TERB1: variants seen among roughly 807,000 people sequenced by gnomAD.
The protein encoded by TERB1 is telomere repeats-binding bouquet formation protein 1.
A neutral mutation model predicts 92.3 loss-of-function variants in TERB1; 63 were observed. The observed-to-expected ratio is 0.68, with a 90% CI of 0.56 to 0.84. The LOEUF (loss-of-function observed/expected upper bound fraction) is 0.84. Ranked by LOEUF, TERB1 falls within the 40% of genes least tolerant of loss-of-function variation. The pLI, the probability that TERB1 is intolerant of heterozygous loss-of-function variation, is 0.00. For missense variants in TERB1, 709 were observed against 843.7 expected (o/e 0.84, Z 1.98); for synonymous variants, 252 against 283.9 (o/e 0.89, Z 1.13).
upstream of TERB1, among the ~76,000 whole-genome samples, chr16:66,801,773 C>T (rs778016159): frequency 6.6e-6 from 1 of 152,228 alleles, no homozygotes; most frequent in South Asian, 2.1e-4. Flanking sequence ...AATCTCACCG[C>T]CCCCGGTTTT....
intron 10 of TERB1, 132 bp downstream of exon 10, chr16:66,778,731 T>C: frequency 1.3e-6 from 1 of 772,434 alleles, no homozygotes; most frequent in Non-Finnish European, 1.9e-6. Flanking sequence ...TTGGATACTT[T>C]CTAATACTTC....
chr16:66,761,416 C>T (rs1342039884), intron 16 of TERB1, among the ~76,000 whole-genome samples: 20 of 135,858 alleles, frequency 1.5e-4, no homozygotes, highest in Non-Finnish European at 2.9e-4. Context: ...TGTACCATTG[C>T]ACTCAAGCCT....
chr16:66,787,069 G>A (rs2018741134), intron 6 of TERB1, among the ~76,000 whole-genome samples: 1 of 151,944 alleles, frequency 6.6e-6, no homozygotes, highest in Non-Finnish European at 1.5e-5. Flanking sequence ...AAGTGCTGGG[G>A]TTACAGATGT....
At chr16:66,777,500 A>C (rs925317616) in intron 10 of TERB1, among the ~76,000 whole-genome samples, 166 bp from the exon 11 acceptor site, 1 of 152,200 alleles carries the variant, frequency 6.6e-6, no homozygotes, top group Non-Finnish European at 1.5e-5. Flanking sequence ...TGTGAATATA[A>C]ATAAAATATA....
At chr16:66,771,244 T>C (rs2018445557) in intron 13 of TERB1, among the ~76,000 whole-genome samples, 1 of 152,074 alleles carries the variant, frequency 6.6e-6, no homozygotes, top group Non-Finnish European at 1.5e-5. Flanking sequence ...TAAATAAATA[T>C]TAAAGCTACA....
upstream of TERB1, among the ~76,000 whole-genome samples, chr16:66,802,019 G>A (rs1959343704): frequency 6.6e-6 from 1 of 152,224 alleles, no homozygotes; most frequent in Non-Finnish European, 1.5e-5. Flanking sequence ...CCGGAGTTCA[G>A]TCCAGGAGGA....
chr16:66,794,063 C>T (rs16956969), intron 3 of TERB1, among the ~76,000 whole-genome samples: 1 of 151,896 alleles, frequency 6.6e-6, no homozygotes, highest in Non-Finnish European at 1.5e-5. Context: ...CAGTTCTAGG[C>T]ACAATGCAGG....
intron 16 of TERB1, among the ~76,000 whole-genome samples, chr16:66,761,139 AAAAG>A (rs1382695453): frequency 6.7e-6 from 1 of 149,730 alleles, no homozygotes; most frequent in Non-Finnish European, 1.5e-5. Context: ...AAAGAAAAGA[AAAAG>A]AAAAAAGAAA....
chr16:66,756,023 G>A (rs1230319509), intron 18 of TERB1, among the ~76,000 whole-genome samples: 1 of 152,162 alleles, frequency 6.6e-6, no homozygotes, highest in Non-Finnish European at 1.5e-5. Context: ...GTTTTTAAGG[G>A]ATACTTTCTA....
At chr16:66,776,089 G>A (rs982661325) in intron 11 of TERB1, among the ~76,000 whole-genome samples, 2 of 151,908 alleles carry the variant, frequency 1.3e-5, no homozygotes, top group African/African-American at 4.8e-5. Context: ...CAGCACTTTG[G>A]GAGGCCGAGG....
chr16:66,755,213 G>T (rs1462240902), intron 18 of TERB1, 50 bp from the exon 19 acceptor site: 4 of 1,174,902 alleles, frequency 3.4e-6, no homozygotes, highest in Non-Finnish European at 4.9e-6. Flanking sequence ...CAAAGGTCCT[G>T]AGATGCAAAT....
Position 66,776,125 on chromosome 16 carries a change from T to A in TERB1, c.986-882A>T, listed in dbSNP as rs546150314. 7.3e-5 allele frequency among the ~76,000 whole-genome samples: 11 copies of A among 151,240 alleles called. No homozygotes were observed. In the East Asian group the frequency reaches 1.8e-3, roughly 24 times the overall value. On this transcript the variant is annotated intron_variant, in intron 11 of 18. Transcript: ENST00000433154. ...CAGGCGGATCACCTGAGGTTGGGAG[T>A]TCGAGACCAGCCTGACCAACAAGGA...
chr16:66,801,795 C>A (rs1959329719), upstream of TERB1, among the ~76,000 whole-genome samples: 1 of 152,190 alleles, frequency 6.6e-6, no homozygotes. Context: ...AGGGTTTTTA[C>A]CTCAGACGAG....
intron 9 of TERB1, among the ~76,000 whole-genome samples, chr16:66,780,982 C>T (rs1236775613): frequency 7.6e-6 from 1 of 131,774 alleles, no homozygotes; most frequent in African/African-American, 3.0e-5. Context: ...TTTTAACATG[C>T]TAGTGGTGTG....
intron 12 of TERB1, among the ~76,000 whole-genome samples, chr16:66,774,064 G>T (rs1327481531): frequency 1.3e-5 from 2 of 150,450 alleles, no homozygotes; most frequent in African/African-American, 4.9e-5. Context: ...TGTATTTTTA[G>T]TACAGACAGG....
intron 17 of TERB1, 27 bp from the exon 18 acceptor site, chr16:66,758,865 C>A: frequency 7.1e-7 from 1 of 1,414,740 alleles, no homozygotes; most frequent in South Asian, 1.3e-5. Flanking sequence ...ACATTTAGCA[C>A]ATTTAGCGTA....
At position 66,767,472 on chromosome 16, in the gene TERB1, C is replaced by G. The variant is rs748925835; in HGVS notation, c.1723G>C (p.Val575Leu). 9 of 1,526,968 alleles carry G rather than the reference C, an allele frequency of 5.9e-6. No individual in the cohort carries two copies. The African/African-American group carries it at 7.0e-5, about 12-fold the overall frequency. 94.6% of individuals were successfully genotyped at this position (1,526,968 alleles called of 1,614,324 possible). ...CTGGGAGTTGCTAGAAAACTGACTA[C>G]TTCTTTATTTATTATATCTGAACAT... ...TLCSDIINKE[V>L]VSFLATPSCS... is the part of the protein sequence containing the mutation. Residue 575 changes from valine to leucine, a missense_variant, in exon 16 of 19, where the codon GTA becomes CTA. Coordinates refer to ENST00000433154, the MANE Select transcript of TERB1 (RefSeq NM_001136505.2).
intron 13 of TERB1, among the ~76,000 whole-genome samples, chr16:66,771,357 T>G (rs2018447876): frequency 6.6e-6 from 1 of 152,218 alleles, no homozygotes; most frequent in Non-Finnish European, 1.5e-5. Context: ...TGATACATCT[T>G]CTGTGGTGAA....
intron 12 of TERB1, among the ~76,000 whole-genome samples, chr16:66,774,193 T>G (rs1440219860): frequency 7.7e-6 from 1 of 129,136 alleles, no homozygotes; most frequent in Non-Finnish European, 1.6e-5. Context: ...AACGTTTTTT[T>G]TTTTTTTTTT....
Sources: allele counts gnomAD v4.1 joint callset (sites outside exome capture counted in the v4.1 genomes callset), GRCh38; gene constraint gnomAD v4.1.1; transcripts MANE v1.5; gene names NCBI Gene and HGNC (gene_info 2026-07-23, HGNC 2026-07-21).